ANKRD13B: variants seen among roughly 807,000 people sequenced by gnomAD.
ANKRD13B encodes ankyrin repeat domain-containing protein 13B.
ANKRD13B carries 33 observed loss-of-function variants against 74.4 expected under a neutral mutation model. The observed-to-expected ratio is 0.44, with a 90% CI of 0.34 to 0.59. ANKRD13B has a LOEUF of 0.59. ANKRD13B is among the 20% of genes least tolerant of loss of function. The probability of loss-of-function intolerance (pLI) is 0.02; values close to 1 mark genes in which losing one functional copy is unlikely to be tolerated. For missense variants in ANKRD13B, 676 were observed against 877.9 expected, an observed-to-expected ratio of 0.77 and a Z score of 2.91; for synonymous variants, 341 against 362.9, an observed-to-expected ratio of 0.94 and a Z score of 0.68.
Position 29,609,544 on chromosome 17 carries a change from CTTATA to C in ANKRD13B, c.822+126_822+130del, listed in dbSNP as rs2034506078. 1 of 1,195,062 alleles carries C rather than the reference CTTATA, an allele frequency of 8.4e-7. No homozygotes were observed. Among genetic ancestry groups the C allele is most frequent in the Non-Finnish European group, 1.2e-6 (1 of 848,534 alleles). 74.0% of individuals were successfully genotyped at this position (1,195,062 alleles called of 1,614,324 possible). ...AGAAGCAATGCAGCGTGGTCAAGCA[CTTATA>C]TTTGGGTTCAAGGCACTTCTCTGGT... is the stretch of plus-strand genomic sequence containing the variant. On this transcript the variant is annotated intron_variant, in intron 7 of 14. Transcript: ENST00000394859. This position sits in a 1 kb window ranked among gnomAD's most constrained non-coding sequence, Gnocchi z 4.0.
intron 1 of ANKRD13B, among the ~76,000 whole-genome samples, chr17:29,606,456 G>T (rs988050586): frequency 1.3e-5 from 2 of 151,734 alleles, no homozygotes; most frequent in African/African-American, 2.4e-5. Flanking sequence ...TACTCAGAAG[G>T]CTGAGGCACA....
Position 29,608,607 on chromosome 17 carries a change from T to C in ANKRD13B, c.422-244T>C, listed in dbSNP as rs2034472020. On this transcript the variant is annotated intron_variant, in intron 4 of 14. Coordinates refer to ENST00000394859, the MANE Select transcript of ANKRD13B (RefSeq NM_152345.5). This position sits in a 1 kb window ranked among gnomAD's most constrained non-coding sequence, Gnocchi z 6.4. Reference sequence around the variant, plus strand: ...ATGGATGAAAGAGTGAGTGAGTGAATTAACAAATGATGGACACTAGGGACT... The same window carrying C: ...ATGGATGAAAGAGTGAGTGAGTGAACTAACAAATGATGGACACTAGGGACT... 2 of 586,486 alleles carry C rather than the reference T, an allele frequency of 3.4e-6. No individual in the cohort carries two copies. The highest frequency in any genetic ancestry group is 5.7e-5 in the East Asian group (2 of 34,906). 36.3% of individuals were successfully genotyped at this position (586,486 alleles called of 1,614,324 possible).
chr17:29,601,396 A>AT (rs1334173452), intron 1 of ANKRD13B, among the ~76,000 whole-genome samples: 1 of 151,304 alleles, frequency 6.6e-6, no homozygotes, highest in African/African-American at 2.4e-5. Context: ...TAATTTTTGT[A>AT]TTTTTAGTAG....
intron 1 of ANKRD13B, among the ~76,000 whole-genome samples, chr17:29,598,268 C>T (rs1217772795): frequency 6.6e-6 from 1 of 152,270 alleles, no homozygotes; most frequent in Non-Finnish European, 1.5e-5. Context: ...CAGGACAAGG[C>T]TATAAAAATT....
chr17:29,598,204 C>T (rs1171907967), intron 1 of ANKRD13B, among the ~76,000 whole-genome samples: 1 of 152,152 alleles, frequency 6.6e-6, no homozygotes, highest in Non-Finnish European at 1.5e-5. Flanking sequence ...CCAACAGGGG[C>T]CAGGCCCGCT....
intron 1 of ANKRD13B, among the ~76,000 whole-genome samples, chr17:29,602,722 G>C (rs1157001701): frequency 1.3e-5 from 2 of 152,064 alleles, no homozygotes; most frequent in African/African-American, 4.8e-5. Context: ...TTTGAAATAA[G>C]GTCTCATTCA....
Position 29,609,122 on chromosome 17 carries a change from G to T in ANKRD13B, c.602G>T (p.Arg201Leu), listed in dbSNP as rs767945543. The change falls in exon 6 of 15, where the codon CGC becomes CTC. Residue 201 changes from arginine (R) to leucine (L), a missense_variant. Arg to Leu is a moderately radical substitution (Grantham distance 102). Around this residue, in one of 4 missense-constraint regions of ANKRD13B, gnomAD observed 328 missense variants for 518.4 expected, o/e 0.63. Coordinates refer to ENST00000394859, the MANE Select transcript of ANKRD13B (RefSeq NM_152345.5). The surrounding 1 kb of genome is among the most constrained non-coding windows in gnomAD (Gnocchi z 4.0). The stretch of plus-strand genomic sequence containing the variant: ...GTGGTCATGGAGATTGACCACGACC[G>T]CCGGGTGGTGTACACAGAGACTCTG... Reference protein sequence around the residue: ...SAVVMEIDHDRRVVYTETLAL... With the variant: ...SAVVMEIDHDLRVVYTETLAL... 2 of 1,611,326 alleles carry T rather than the reference G, an allele frequency of 1.2e-6. No homozygotes were observed. Among genetic ancestry groups the T allele is most frequent in the Admixed American group, 1.7e-5 (1 of 60,014 alleles).
rs575216103 is a variant in ANKRD13B, at chr17:29,611,127, C to G, written c.904+361C>G. Among the ~76,000 whole-genome samples, 14 of 152,286 alleles carry G rather than the reference C, an allele frequency of 9.2e-5. 1 individual carries two copies. In the South Asian group the frequency reaches 2.9e-3, roughly 32 times the overall value. ...GGGACCTTGCCACAGATTCTGTATG[C>G]CCATTGATGCCACACCTGATTCTCT... On this transcript the variant is annotated intron_variant, in intron 8 of 14. Coordinates refer to ENST00000394859, the MANE Select transcript of ANKRD13B (RefSeq NM_152345.5). This position sits in a 1 kb window ranked among gnomAD's most constrained non-coding sequence, Gnocchi z 4.3.
chr17:29,600,698 A>T (rs1476892447), intron 1 of ANKRD13B, among the ~76,000 whole-genome samples: 1 of 151,424 alleles, frequency 6.6e-6, no homozygotes, highest in Non-Finnish European at 1.5e-5. Flanking sequence ...TGCCATCCCC[A>T]TTGCCTGCAG....
Position 29,609,231 on chromosome 17 carries a change from C to T in ANKRD13B, c.711C>T (p.Pro237=), listed in dbSNP as rs370416808. ...AGGTGCTGAGCCGGCTTACCGCGCC[C>T]GTCGTCACCACTCAGCTTGACACCA... is the stretch of plus-strand genomic sequence containing the variant. ...EEQVLSRLTA[P]VVTTQLDTKN... The change falls in exon 6 of 15, where the codon CCC becomes CCT. Residue 237 remains proline, a synonymous_variant. Transcript: ENST00000394859. This position sits in a 1 kb window ranked among gnomAD's most constrained non-coding sequence, Gnocchi z 4.0. The T allele has an allele frequency of 6.8e-6, 11 of 1,613,046 alleles. No homozygotes were observed. Among genetic ancestry groups the T allele is most frequent in the African/African-American group, 2.7e-5 (2 of 74,944 alleles).
chr17:29,611,722 G>GC lies in ANKRD13B; in HGVS notation c.969+80dup, dbSNP rs1181534039. ...GGAGGCTTGGGAAGCGTCCTGCTTA[G>GC]CATGGCCTATGTGGACCTCCTTTCC... On this transcript the variant is annotated intron_variant, in intron 9 of 14. Coordinates refer to ENST00000394859, the MANE Select transcript of ANKRD13B (RefSeq NM_152345.5). This position sits in a 1 kb window ranked among gnomAD's most constrained non-coding sequence, Gnocchi z 4.3. The GC allele has an allele frequency of 3.0e-5, 47 of 1,587,374 alleles. No individual in the cohort carries two copies. The highest frequency in any genetic ancestry group is 3.9e-5 in the Non-Finnish European group (45 of 1,156,878).
intron 1 of ANKRD13B, among the ~76,000 whole-genome samples, chr17:29,597,302 G>A (rs1034394117): frequency 1.3e-5 from 2 of 152,208 alleles, no homozygotes; most frequent in East Asian, 1.9e-4. Context: ...GCACACACAC[G>A]TTACACAGGA....
At position 29,611,886 on chromosome 17, in the gene ANKRD13B, C is replaced by T. The variant is rs748013926; in HGVS notation, c.980C>T (p.Thr327Ile). Reference sequence around the variant, plus strand: ...CCCCATGTGGTACAGACCCTGATCACTCAGACTCTGAGCCAAGCCAACCCC... The same window carrying T: ...CCCCATGTGGTACAGACCCTGATCATTCAGACTCTGAGCCAAGCCAACCCC... ...HGGPQNGTLI[T>I]QTLSQANPTA... The change falls in exon 10 of 15, where the codon ACT becomes ATT. Residue 327 changes from threonine (T) to isoleucine (I), a missense_variant. Physicochemically the swap from Thr to Ile is moderately conservative, Grantham distance 89 (BLOSUM62 -1). This residue lies in a region of ANKRD13B where 328 missense variants were observed against 518.4 expected (regional missense o/e 0.63). Transcript: ENST00000394859. This position sits in a 1 kb window ranked among gnomAD's most constrained non-coding sequence, Gnocchi z 4.3. The T allele has an allele frequency of 6.2e-6, 10 of 1,610,824 alleles. No homozygotes were observed. The highest frequency in any genetic ancestry group is 8.5e-6 in the Non-Finnish European group (10 of 1,178,222).
At chr17:29,605,384 A>G (rs1424212516) in intron 1 of ANKRD13B, among the ~76,000 whole-genome samples, 2 of 151,416 alleles carry the variant, frequency 1.3e-5, no homozygotes, top group East Asian at 1.9e-4. Context: ...TATATTTTCT[A>G]TATAGAGAAA....
intron 1 of ANKRD13B, among the ~76,000 whole-genome samples, chr17:29,599,883 T>G (rs1025443056): frequency 9.0e-5 from 12 of 133,740 alleles, no homozygotes; most frequent in South Asian, 2.6e-4. Flanking sequence ...TTTTTTTTTT[T>G]TTTTTTTTTT....
intron 7 of ANKRD13B, among the ~76,000 whole-genome samples, chr17:29,610,124 G>A (rs2034530136): frequency 1.3e-5 from 2 of 151,634 alleles, no homozygotes; most frequent in South Asian, 4.2e-4. Context: ...CCTGGGAGGC[G>A]GAGCTTGCAG....
At chr17:29,605,333 T>C (rs930765186) in intron 1 of ANKRD13B, among the ~76,000 whole-genome samples, 1 of 152,094 alleles carries the variant, frequency 6.6e-6, no homozygotes, top group Non-Finnish European at 1.5e-5. Flanking sequence ...ACTTCAGGGA[T>C]CACAGTTCTG....
At chr17:29,600,605 C>G (rs2034135562) in intron 1 of ANKRD13B, among the ~76,000 whole-genome samples, 1 of 152,172 alleles carries the variant, frequency 6.6e-6, no homozygotes, top group African/African-American at 2.4e-5. Context: ...CATCTCCCAG[C>G]TTAATGAGGC....
chr17:29,604,948 T>C (rs1488717770), intron 1 of ANKRD13B, among the ~76,000 whole-genome samples: 1 of 152,244 alleles, frequency 6.6e-6, no homozygotes, highest in East Asian at 1.9e-4. Flanking sequence ...TGATTAAATA[T>C]GCATCTCCAC....
Sources: allele counts gnomAD v4.1 joint callset (sites outside exome capture counted in the v4.1 genomes callset), GRCh38; gene constraint gnomAD v4.1.1; regional missense constraint gnomAD v4.1.1; non-coding constraint Gnocchi (gnomAD v3.1); transcripts MANE v1.5; gene names NCBI Gene and HGNC (gene_info 2026-07-23, HGNC 2026-07-21).